The following ZNF385D variants were observed in gnomAD, a reference collection of about 807,000 sequenced individuals.
ZNF385D encodes zinc finger protein 659.
ZNF385D carries 15 observed loss-of-function variants against 35.8 expected under a neutral mutation model. That is an observed-to-expected ratio of 0.42 (90% CI 0.28 to 0.64). ZNF385D has a LOEUF of 0.64. Among genes scored for constraint, ZNF385D ranks in the 30% least tolerant of loss-of-function variants. The pLI is 0.23. For missense variants in ZNF385D, 474 were observed against 494.6 expected (o/e 0.96, Z 0.39); for synonymous variants, 212 against 186.8 (o/e 1.13, Z -1.10).
chr3:21,531,331 T>A (rs779776481), intron 3 of ZNF385D, among the ~76,000 whole-genome samples: 3 of 152,172 alleles, frequency 2.0e-5, no homozygotes, highest in African/African-American at 7.2e-5. Flanking sequence ...AACAGCCACA[T>A]TGGAAGACAG....
At chr3:21,451,301 T>C (rs1702446368) in intron 4 of ZNF385D, among the ~76,000 whole-genome samples, 1 of 152,106 alleles carries the variant, frequency 6.6e-6, no homozygotes, top group African/African-American at 2.4e-5. Flanking sequence ...AAAATGATGA[T>C]TTATAAATTC....
rs904224141 is a variant in ZNF385D, at chr3:22,174,749, A to G, written c.107-5714T>C. 2.6e-5 allele frequency among the ~76,000 whole-genome samples: 4 copies of G among 152,134 alleles called. No individual in the cohort carries two copies. The East Asian group carries it at 5.8e-4, about 22-fold the overall frequency. On this transcript the variant is annotated intron_variant, in intron 2 of 5. Coordinates refer to the ZNF385D transcript ENST00000494108. The stretch of plus-strand genomic sequence containing the variant: ...TTCATGGCGATAACACTGAAATACA[A>G]CTAGTCAGGGTAGATGACAGCTGGC...
chr3:21,449,005 C>CA (rs1702301953), intron 4 of ZNF385D, among the ~76,000 whole-genome samples: 1 of 151,766 alleles, frequency 6.6e-6, no homozygotes, highest in Non-Finnish European at 1.5e-5. Flanking sequence ...TATGAAATAA[C>CA]AATTTTTATT....
At chr3:22,314,041 C>G (rs1703744742) in intron 2 of ZNF385D, among the ~76,000 whole-genome samples, 1 of 152,134 alleles carries the variant, frequency 6.6e-6, no homozygotes. Flanking sequence ...CTCTGAGTTA[C>G]TCTAGCTCAG....
chr3:22,224,437 T>C (rs141730433), intron 2 of ZNF385D, among the ~76,000 whole-genome samples: 121 of 152,320 alleles, frequency 7.9e-4, no homozygotes, highest in Non-Finnish European at 1.4e-3. Flanking sequence ...TCTATCTCTC[T>C]GTATTATAGT....
At chr3:22,117,432 G>GTCC (rs1702869160) in intron 3 of ZNF385D, among the ~76,000 whole-genome samples, 1 of 151,964 alleles carries the variant, frequency 6.6e-6, no homozygotes, top group Admixed American at 6.6e-5. Context: ...TTATGATTTT[G>GTCC]AAATTAAGAA....
intron 3 of ZNF385D, among the ~76,000 whole-genome samples, chr3:21,756,756 G>A (rs1173082762): frequency 3.3e-5 from 5 of 152,264 alleles, no homozygotes; most frequent in South Asian, 4.1e-4. Context: ...AATGACATGT[G>A]CTGGAAGGCT....
rs181417195 is a variant in ZNF385D, at chr3:21,900,193, A to T, written c.326-235165T>A. Among the ~76,000 whole-genome samples, 175 of 152,308 alleles carry T rather than the reference A, an allele frequency of 1.1e-3. 1 individual carries two copies. The highest frequency in any genetic ancestry group is 2.3e-3 in the East Asian group (12 of 5,184). On this transcript the variant is annotated intron_variant, in intron 3 of 5. Transcript: ENST00000494108. ...TCTATGTTTCAACAAAGATAAAAGC[A>T]GAAAAGGGAAACATTGAATGTTGGC... is the stretch of plus-strand genomic sequence containing the variant.
At chr3:21,783,961 T>G (rs1449173471) in intron 3 of ZNF385D, among the ~76,000 whole-genome samples, 1 of 152,182 alleles carries the variant, frequency 6.6e-6, no homozygotes, top group Non-Finnish European at 1.5e-5. Context: ...AAGAAAGTTG[T>G]GGCAGAGATT....
At position 21,823,054 on chromosome 3, in the gene ZNF385D, T is replaced by G. The variant is rs188889300; in HGVS notation, c.326-158026A>C. Among the ~76,000 whole-genome samples, 12 of 152,278 alleles carry G rather than the reference T, an allele frequency of 7.9e-5. No individual in the cohort carries two copies. The East Asian group carries it at 2.3e-3, about 29-fold the overall frequency. On this transcript the variant is annotated intron_variant, in intron 3 of 5. Transcript: ENST00000494108. ...TTCAAAAATATCATAATTTTCTATT[T>G]GTTAAGCTGCAGAGTGGATACTCAG...
At chr3:21,742,510 A>G (rs1336160737) in intron 1 of ZNF385D, among the ~76,000 whole-genome samples, 1 of 152,218 alleles carries the variant, frequency 6.6e-6, no homozygotes, top group Admixed American at 6.5e-5. Context: ...CGTAGAGGCT[A>G]AAGCCTGCAG....
At chr3:21,491,538 G>T (rs1249464950) in intron 4 of ZNF385D, among the ~76,000 whole-genome samples, 1 of 152,040 alleles carries the variant, frequency 6.6e-6, no homozygotes, top group Non-Finnish European at 1.5e-5. Flanking sequence ...AGTTTGAGTT[G>T]GTTTGTCTGC....
chr3:21,658,609 CTATT>C (rs68156366), intron 2 of ZNF385D, among the ~76,000 whole-genome samples: 66,470 of 151,278 alleles, frequency 0.44, 15,922 homozygotes, highest in Non-Finnish European at 0.54. Flanking sequence ...CTATTCCACT[CTATT>C]CATTCATTCA....
chr3:21,490,919 C>CA (rs1705385157), intron 4 of ZNF385D, among the ~76,000 whole-genome samples: 1 of 122,878 alleles, frequency 8.1e-6, no homozygotes, highest in South Asian at 3.1e-4. Flanking sequence ...CTCAGCTGGT[C>CA]ATCGGCTGAA....
chr3:21,810,998 G>GTGTGTATATA (rs576386621), intron 3 of ZNF385D, among the ~76,000 whole-genome samples: 7 of 144,510 alleles, frequency 4.8e-5, no homozygotes, highest in Non-Finnish European at 7.6e-5. Flanking sequence ...GTGTGTGTGT[G>GTGTGTATATA]TATATATATA....
intron 3 of ZNF385D, among the ~76,000 whole-genome samples, chr3:21,940,923 T>C (rs1319813359): frequency 1.3e-5 from 2 of 152,156 alleles, no homozygotes; most frequent in Admixed American, 6.5e-5. Context: ...CCACAGAGGA[T>C]CCATCCAAGT....
chr3:22,318,335 G>A (rs1156904444), intron 2 of ZNF385D, among the ~76,000 whole-genome samples: 2 of 152,086 alleles, frequency 1.3e-5, no homozygotes, highest in Non-Finnish European at 2.9e-5. Context: ...AAGATGCAGG[G>A]AAAATTTGAT....
intron 3 of ZNF385D, among the ~76,000 whole-genome samples, chr3:21,552,116 T>C (rs1420000670): frequency 6.6e-6 from 1 of 152,176 alleles, no homozygotes; most frequent in Non-Finnish European, 1.5e-5. Context: ...CTAGAAAGAT[T>C]CTAGGTTTAA....
chr3:22,022,389 C>T (rs540684285), intron 3 of ZNF385D, among the ~76,000 whole-genome samples: 1 of 152,108 alleles, frequency 6.6e-6, no homozygotes, highest in South Asian at 2.1e-4. Flanking sequence ...CTGAAAAGAT[C>T]AGCTCTAATC....
Sources: allele counts gnomAD v4.1 joint callset (sites outside exome capture counted in the v4.1 genomes callset), GRCh38; gene constraint gnomAD v4.1.1; transcripts MANE v1.5; gene names NCBI Gene and HGNC (gene_info 2026-07-23, HGNC 2026-07-21).